The following SPPL3 variants were observed in gnomAD, a reference collection of about 807,000 sequenced individuals.
SPPL3 encodes signal peptide peptidase-like 3.
SPPL3 carries 5 observed loss-of-function variants against 42.4 expected under a neutral mutation model. The observed-to-expected ratio is 0.12, with a 90% CI of 0.06 to 0.25. The LOEUF is 0.25. Among genes scored for constraint, SPPL3 ranks in the 10% least tolerant of loss-of-function variants. SPPL3 has a pLI of 1.00. For missense variants in SPPL3, 235 were observed against 489.0 expected, an observed-to-expected ratio of 0.48 and a Z score of 4.90; for synonymous variants, 195 against 181.8, an observed-to-expected ratio of 1.07 and a Z score of -0.58.
At chr12:120,815,496 G>C (rs1322588516) in intron 1 of SPPL3, among the ~76,000 whole-genome samples, 1 of 152,150 alleles carries the variant, frequency 6.6e-6, no homozygotes, top group South Asian at 2.1e-4. Flanking sequence ...GCTTTCTTCT[G>C]AGGAACTTTT....
intron 1 of SPPL3, among the ~76,000 whole-genome samples, chr12:120,829,861 G>A (rs1871341598): frequency 6.6e-6 from 1 of 151,960 alleles, no homozygotes; most frequent in Non-Finnish European, 1.5e-5. Context: ...AGCTGTGGTG[G>A]CAGGCATCTG....
Position 120,879,551 on chromosome 12 carries a change from C to T in SPPL3, c.23+24294G>A, listed in dbSNP as rs147275898. Among the ~76,000 whole-genome samples the T allele has an allele frequency of 1.8e-3, 267 of 152,106 alleles. 2 individuals are homozygous for T. The highest frequency in any genetic ancestry group is 6.0e-3 in the African/African-American group (248 of 41,454). On this transcript the variant is annotated intron_variant, in intron 1 of 10. Coordinates refer to ENST00000353487, the MANE Select transcript of SPPL3 (RefSeq NM_139015.5). ...AGCAAAATTAAACAGAGATTTTTAC[C>T]GCCCAACTTCTCATAGCTCATAATA...
intron 1 of SPPL3, among the ~76,000 whole-genome samples, chr12:120,878,567 A>G (rs1359843519): frequency 2.0e-5 from 3 of 152,230 alleles, no homozygotes; most frequent in Admixed American, 6.5e-5. Flanking sequence ...CAATATTTAA[A>G]TAATACGCCC....
intron 1 of SPPL3, among the ~76,000 whole-genome samples, chr12:120,896,019 C>T (rs1388140425): frequency 6.6e-6 from 1 of 152,078 alleles, no homozygotes; most frequent in African/African-American, 2.4e-5. Context: ...AACTAGGATA[C>T]ATCTCCACTT....
chr12:120,789,470 A>G (rs1869838926), intron 3 of SPPL3, among the ~76,000 whole-genome samples: 1 of 150,284 alleles, frequency 6.7e-6, no homozygotes, highest in African/African-American at 2.4e-5. Context: ...AAAGAAAAAA[A>G]GCATTTAAAA....
At chr12:120,802,445 T>G (rs545647026) in intron 2 of SPPL3, among the ~76,000 whole-genome samples, 1,883 of 138,584 alleles carry the variant, frequency 0.014, 14 homozygotes, top group Non-Finnish European at 0.021. Flanking sequence ...TTTTTTTTTT[T>G]CCTTTTTGAG....
rs1555246038 is a variant in SPPL3 at position 120,762,594 on chromosome 12, C to CAT, written c.*2404_*2405insAT. On this transcript the variant is annotated 3_prime_UTR_variant, in exon 11 of 11. Transcript: ENST00000353487. ...TGACCCACTGCCAGGATAACATTTC[C>CAT]TTTTTTTTTTTTTTTTTGAGATGGA... 1.5e-5 allele frequency: 2 copies of CAT among 132,460 alleles called. No homozygotes were observed. Among genetic ancestry groups the CAT allele is most frequent in the Non-Finnish European group, 3.2e-5 (2 of 61,836 alleles). The allele number at this position is 132,460 out of a possible 1,614,324, so 8.2% of individuals were successfully genotyped here. A position where few individuals can be genotyped will look rare whatever the true frequency, so the allele number is the denominator to read the frequency against.
chr12:120,777,399 GT>G (rs1869361002), intron 6 of SPPL3, among the ~76,000 whole-genome samples: 2 of 152,278 alleles, frequency 1.3e-5, no homozygotes, highest in African/African-American at 4.8e-5. Flanking sequence ...TTTTACTAAA[GT>G]TTTTCAGAAT....
intron 1 of SPPL3, among the ~76,000 whole-genome samples, chr12:120,821,251 T>A (rs1031989574): frequency 8.5e-5 from 13 of 152,242 alleles, no homozygotes; most frequent in Admixed American, 1.3e-4. Flanking sequence ...AAGGCTTCGA[T>A]GGCAATATGC....
chr12:120,802,357 GTGTATATATATACATATATA>G (rs1346642603), intron 2 of SPPL3, among the ~76,000 whole-genome samples: 4 of 141,104 alleles, frequency 2.8e-5, no homozygotes, highest in Admixed American at 7.0e-5. Flanking sequence ...GTATGTATGT[GTGTATATATATACATATATA>G]TGTATATATA....
chr12:120,856,166 G>T (rs1296558534), intron 1 of SPPL3, among the ~76,000 whole-genome samples: 1 of 152,120 alleles, frequency 6.6e-6, no homozygotes, highest in Non-Finnish European at 1.5e-5. Context: ...CATGTGGCCA[G>T]TGGCTACCTT....
chr12:120,813,529 C>G (rs1870760458), intron 1 of SPPL3, among the ~76,000 whole-genome samples: 1 of 151,964 alleles, frequency 6.6e-6, no homozygotes, highest in African/African-American at 2.4e-5. Context: ...TCATGTTGGC[C>G]AGGCTGGTCT....
At chr12:120,843,227 G>GT (rs1418808557) in intron 1 of SPPL3, among the ~76,000 whole-genome samples, 1 of 152,138 alleles carries the variant, frequency 6.6e-6, no homozygotes, top group Non-Finnish European at 1.5e-5. Flanking sequence ...TAGATAAAAA[G>GT]TACGTTTGCT....
chr12:120,764,763 G>A lies in SPPL3; in HGVS notation c.*236C>T. The A allele has an allele frequency of 2.1e-6, 1 of 485,714 alleles. No individual in the cohort carries two copies. The highest frequency in any genetic ancestry group is 3.6e-6 in the Non-Finnish European group (1 of 275,390). 30.1% of individuals were successfully genotyped at this position (485,714 alleles called of 1,614,324 possible). A position where few individuals can be genotyped will look rare whatever the true frequency, so the allele number is the denominator to read the frequency against. ...TGGGAGGAAGGCGCGCTGGGGAGAG[G>A]CCTGTCCCTCTTGGAAGGGGCCCCA... On this transcript the variant is annotated 3_prime_UTR_variant, in exon 11 of 11. Transcript: ENST00000353487.
chr12:120,835,162 T>C (rs1871568419), intron 1 of SPPL3, among the ~76,000 whole-genome samples: 1 of 152,216 alleles, frequency 6.6e-6, no homozygotes, highest in Non-Finnish European at 1.5e-5. Flanking sequence ...TGTCTAACAA[T>C]ATGCTCCACA....
At chr12:120,881,153 T>C (rs1172155064) in intron 1 of SPPL3, among the ~76,000 whole-genome samples, 1 of 151,128 alleles carries the variant, frequency 6.6e-6, no homozygotes, top group African/African-American at 2.4e-5. Context: ...CTATGGAAAA[T>C]GGTAATGGTG....
At chr12:120,806,484 A>T (rs1215295228) in intron 2 of SPPL3, among the ~76,000 whole-genome samples, 1 of 152,128 alleles carries the variant, frequency 6.6e-6, no homozygotes, top group African/African-American at 2.4e-5. Flanking sequence ...ACCTCATGCC[A>T]TACATAAAAA....
chr12:120,883,394 TTCCTATTTAGAGGAACATATAG>T (rs1276117938), intron 1 of SPPL3, among the ~76,000 whole-genome samples: 20 of 152,212 alleles, frequency 1.3e-4, no homozygotes, highest in African/African-American at 4.8e-4. Context: ...CTCTAACCTA[TTCCTATTTAGAGGAACATATAG>T]GAGACTATCT....
chr12:120,796,978 T>C (rs1223146060), intron 2 of SPPL3, among the ~76,000 whole-genome samples: 3 of 152,174 alleles, frequency 2.0e-5, no homozygotes, highest in Non-Finnish European at 4.4e-5. Context: ...GAGACCAGCC[T>C]GGCCAACATG....
Sources: gnomAD v4.1 joint callset for allele counts (sites outside exome capture counted in the v4.1 genomes callset) on GRCh38, gnomAD v4.1.1 for gene constraint, MANE v1.5 for transcripts, NCBI Gene and HGNC (gene_info 2026-07-23, HGNC 2026-07-21) for gene names.